Variants in IL17RE observed in about 807,000 individuals in gnomAD.
IL17RE encodes interleukin 17 receptor E, also known as interleukin-17 receptor E.
A neutral mutation model predicts 70.7 loss-of-function variants in IL17RE; 47 were observed. The ratio of observed to expected loss-of-function variants is 0.67; its 90% CI spans 0.53 to 0.85. IL17RE has a LOEUF of 0.85. IL17RE is among the 40% of genes least tolerant of loss of function. The pLI, the probability that IL17RE is intolerant of heterozygous loss-of-function variation, is 0.00. For synonymous variants in IL17RE, 372 were observed against 381.2 expected (o/e 0.98, Z 0.28); for missense variants, 850 against 893.9 (o/e 0.95, Z 0.63).
chr3:9,909,420 A>C, intron 8 of IL17RE, 137 bp downstream of exon 8: 1 of 787,332 alleles, frequency 1.3e-6, no homozygotes, highest in Non-Finnish European at 2.1e-6. Flanking sequence ...GAAGGCATGC[A>C]GGTACTTTCC....
chr3:9,904,242 T>C, intron 3 of IL17RE, 91 bp downstream of exon 3: 1 of 1,467,816 alleles, frequency 6.8e-7, no homozygotes, highest in Non-Finnish European at 9.4e-7. Flanking sequence ...CTAGAACAGA[T>C]ATTTGTCTTG....
Position 9,913,960 on chromosome 3 carries a change from G to T in IL17RE, c.1232G>T (p.Arg411Leu), listed in dbSNP as rs376826050. Residue 411 changes from arginine to leucine, a missense_variant, in exon 13 of 16, where the codon CGG (arginine) becomes CTG (leucine). Coordinates refer to ENST00000383814, the MANE Select transcript of IL17RE (RefSeq NM_153480.2). ...TTCTGCTCTTTGTTTCTACAGGCCC[G>T]GGGCTCAAGCCCAGTGTCACTAGAC... ...VPPVYTVSQA[R>L]GSSPVSLDLI... The T allele has an allele frequency of 6.2e-7, 1 of 1,613,810 alleles. No individual in the cohort carries two copies.
chr3:9,913,690 C>A (rs1281781151), intron 12 of IL17RE, among the ~76,000 whole-genome samples: 2 of 152,230 alleles, frequency 1.3e-5, no homozygotes, highest in Non-Finnish European at 2.9e-5. Context: ...TGTCCGCACC[C>A]GCCTTCTTTC....
chr3:9,908,560 G>GA (rs1464810370), intron 7 of IL17RE, among the ~76,000 whole-genome samples: 3 of 152,188 alleles, frequency 2.0e-5, no homozygotes, highest in Admixed American at 6.5e-5. Context: ...CCCTGGCCCA[G>GA]ACCTGGCCTC....
chr3:9,914,906 G>T, intron 15 of IL17RE, 129 bp downstream of exon 15: 2 of 789,392 alleles, frequency 2.5e-6, no homozygotes, highest in East Asian at 2.7e-5. Flanking sequence ...GGAGCCTCAG[G>T]CCCCCAAGTG....
At chr3:9,914,408 A>T in intron 13 of IL17RE, 140 bp from the exon 14 acceptor site, 1 of 1,515,174 alleles carries the variant, frequency 6.6e-7, no homozygotes, top group East Asian at 2.3e-5. Flanking sequence ...CCAGGCTAGC[A>T]GCTGGAGCAG....
intron 3 of IL17RE, among the ~76,000 whole-genome samples, 161 bp from the exon 4 acceptor site, chr3:9,906,203 C>G (rs771017916): frequency 6.6e-6 from 1 of 152,134 alleles, no homozygotes; most frequent in Non-Finnish European, 1.5e-5. Context: ...GAGCCGAGAT[C>G]GCGCCATTGC....
At chr3:9,906,567 A>C in intron 4 of IL17RE, 106 bp downstream of exon 4, 1 of 1,327,256 alleles carries the variant, frequency 7.5e-7, no homozygotes, top group Non-Finnish European at 1.1e-6. Flanking sequence ...GTGGAGATGA[A>C]GTATTCTGTC....
At chr3:9,907,806 C>T (rs1016690568) in intron 6 of IL17RE, among the ~76,000 whole-genome samples, 1 of 152,158 alleles carries the variant, frequency 6.6e-6, no homozygotes, top group African/African-American at 2.4e-5. Context: ...AGCATCCCAC[C>T]TCAACCTCCC....
intron 7 of IL17RE, 59 bp downstream of exon 7, chr3:9,908,366 C>T (rs538666487): frequency 1.4e-5 from 20 of 1,447,526 alleles, no homozygotes; most frequent in Middle Eastern, 2.1e-4. Context: ...CCCAAGGTAG[C>T]GCAGTTGGTC....
Position 9,907,110 on chromosome 3 carries a change from G to A in IL17RE, c.666+10G>A. 2 of 1,614,060 alleles carry A rather than the reference G, an allele frequency of 1.2e-6. No homozygotes were observed. The highest frequency in any genetic ancestry group is 2.2e-5 in the South Asian group (2 of 91,070). ...TCCCTATGATGTCCAGGTATGGTGT[G>A]TCATCCCCCTGTAAAAAGCCCGATC... is the stretch of plus-strand genomic sequence containing the variant. On this transcript the variant is annotated intron_variant, in intron 6 of 15. Transcript: ENST00000383814.
At position 9,914,540 on chromosome 3, in the gene IL17RE, G is replaced by A. The variant is rs749397024; in HGVS notation, c.1297-8G>A. On this transcript the variant is annotated splice_polypyrimidine_tract_variant and splice_region_variant and intron_variant, in intron 13 of 15. Transcript: ENST00000383814. ...GGCTCATAGGGGTGGGGGGCTCTGT[G>A]CCCTCAGGTGTGGCGGTCAGATGTC... The A allele has an allele frequency of 1.9e-6, 3 of 1,613,876 alleles. No individual in the cohort carries two copies. The highest frequency in any genetic ancestry group is 2.5e-6 in the Non-Finnish European group (3 of 1,179,886).
chr3:9,915,984 C>G lies in IL17RE; in HGVS notation c.*177C>G, dbSNP rs568376987. On this transcript the variant is annotated 3_prime_UTR_variant, in exon 16 of 16. Coordinates refer to ENST00000383814, the MANE Select transcript of IL17RE (RefSeq NM_153480.2). This position sits in a 1 kb window ranked among gnomAD's most constrained non-coding sequence, Gnocchi z 4.9. ...CCCAGCCCAGTCCCCGCGCGCGTCC[C>G]TCTTCCTCCTCATACTTTCCCTTGA... The G allele has an allele frequency of 3.1e-5, 36 of 1,145,190 alleles. No homozygotes were observed. The African/African-American group carries it at 5.7e-4, about 18-fold the overall frequency. 70.9% of individuals were successfully genotyped at this position (1,145,190 alleles called of 1,614,324 possible).
rs2083027121 is a variant in IL17RE, at chr3:9,915,558, G to A, written c.1755G>A (p.Pro585=). The change falls in exon 16 of 16, where the codon CCG becomes CCA. Residue 585 remains proline (P), a synonymous_variant. Transcript: ENST00000383814. The surrounding 1 kb of genome is among the most constrained non-coding windows in gnomAD (Gnocchi z 4.9). ...APLLALLHAA[P]RPLLLLAYFS... is the part of the protein sequence containing the mutation. ...TGCTCGCCCTGCTCCACGCTGCCCC[G>A]CGCCCGCTGCTGCTGCTCGCTTACT... 7.1e-7 allele frequency: 1 copy of A among 1,406,644 alleles called. No homozygotes were observed. The highest frequency in any genetic ancestry group is 9.2e-7 in the Non-Finnish European group (1 of 1,082,686). 87.1% of individuals were successfully genotyped at this position (1,406,644 alleles called of 1,614,324 possible). A position where few individuals can be genotyped will look rare whatever the true frequency, so the allele number is the denominator to read the frequency against.
chr3:9,913,872 G>T, intron 12 of IL17RE, 84 bp from the exon 13 acceptor site: 1 of 1,093,350 alleles, frequency 9.1e-7, no homozygotes. Flanking sequence ...GTGGTGGGGA[G>T]GAACAGCAGG....
intron 12 of IL17RE, among the ~76,000 whole-genome samples, chr3:9,913,642 G>A (rs1218158983): frequency 6.6e-6 from 1 of 152,194 alleles, no homozygotes; most frequent in African/African-American, 2.4e-5. Flanking sequence ...AAGTGAGACA[G>A]CCTTCCTGGT....
intron 3 of IL17RE, among the ~76,000 whole-genome samples, chr3:9,904,846 C>A (rs576069536): frequency 6.6e-6 from 1 of 152,254 alleles, no homozygotes; most frequent in East Asian, 1.9e-4. Flanking sequence ...GTAATCCCAG[C>A]ACTCTGGGAG....
intron 8 of IL17RE, chr3:9,909,549 TGTCCTAAGAGGATGGG>T: frequency 2.1e-6 from 1 of 474,040 alleles, no homozygotes; most frequent in Non-Finnish European, 3.8e-6. Context: ...TAGGAGATGG[TGTCCTAAGAGGATGGG>T]CCAGAAGACC....
Position 9,915,271 on chromosome 3 carries a change from G to T in IL17RE, c.1468G>T (p.Val490Leu). The change falls in exon 16 of 16, where the codon GTG (valine) becomes TTG (leucine). Residue 490 changes from valine (V) to leucine (L), a missense_variant. Val to Leu is a conservative substitution (Grantham distance 32). Transcript: ENST00000383814. This position sits in a 1 kb window ranked among gnomAD's most constrained non-coding sequence, Gnocchi z 4.9. ...ACCAGGCCCGGGCCCAGCGCGGCCA[G>T]TGCTCCTCCTGCACGCGGCGGACTC... ...PQSGPGPARP[V>L]LLLHAADSEA... The T allele has an allele frequency of 1.0e-5, 14 of 1,406,544 alleles. No homozygotes were observed. Among genetic ancestry groups the T allele is most frequent in the Non-Finnish European group, 1.3e-5 (14 of 1,088,510 alleles). 87.1% of individuals were successfully genotyped at this position (1,406,544 alleles called of 1,614,324 possible). A position where few individuals can be genotyped will look rare whatever the true frequency, so the allele number is the denominator to read the frequency against.
Sources: allele counts gnomAD v4.1 joint callset (sites outside exome capture counted in the v4.1 genomes callset), GRCh38; gene constraint gnomAD v4.1.1; non-coding constraint Gnocchi (gnomAD v3.1); transcripts MANE v1.5; gene names NCBI Gene and HGNC (gene_info 2026-07-23, HGNC 2026-07-21).